Variants in NPIPB11 observed in about 807,000 individuals in gnomAD.
NPIPB11 encodes the protein nuclear pore complex-interacting protein family member B11.
Under a neutral mutation model 32.8 loss-of-function variants are expected in NPIPB11, and 17 were observed. That is an observed-to-expected ratio of 0.52 (90% CI 0.35 to 0.78). The LOEUF is 0.78. Ranked by LOEUF, NPIPB11 falls within the 30% of genes least tolerant of loss-of-function variation. The probability of loss-of-function intolerance (pLI) is 0.01; values close to 1 mark genes in which losing one functional copy is unlikely to be tolerated. For synonymous variants in NPIPB11, 209 were observed against 398.4 expected, an observed-to-expected ratio of 0.52 and a Z score of 5.66; for missense variants, 537 against 1,000.4, an observed-to-expected ratio of 0.54 and a Z score of 6.25.
intron 3 of NPIPB11, 139 bp from the exon 4 acceptor site, chr16:29,390,487 T>A: frequency 7.5e-7 from 1 of 1,326,330 alleles, no homozygotes; most frequent in Non-Finnish European, 1.1e-6. Context: ...ACCCCATCTC[T>A]ACTAAAAATA....
rs550168630 is a variant in NPIPB11, at chr16:29,397,695, C to G, written c.121-3619G>C. The G allele has an allele frequency of 5.3e-4, 334 of 634,770 alleles. 1 individual carries two copies. The African/African-American group carries it at 5.4e-3, about 10-fold the overall frequency. 39.3% of individuals were successfully genotyped at this position (634,770 alleles called of 1,614,324 possible). A position where few individuals can be genotyped will look rare whatever the true frequency, so the allele number is the denominator to read the frequency against. On this transcript the variant is annotated intron_variant, in intron 2 of 7. Transcript: ENST00000524087. Reference sequence around the variant, plus strand: ...GCGTCCAGGACAGAGGTGGAGGTGGCTTAGGGCAGGGGGGAGGGAAGGGGA... The same window carrying G: ...GCGTCCAGGACAGAGGTGGAGGTGGGTTAGGGCAGGGGGGAGGGAAGGGGA...
At chr16:29,401,554 C>T (rs1201238242) in intron 2 of NPIPB11, among the ~76,000 whole-genome samples, 1 of 152,112 alleles carries the variant, frequency 6.6e-6, no homozygotes, top group Non-Finnish European at 1.5e-5. Flanking sequence ...CCCCACTCTC[C>T]TCCTCTGCCC....
rs371140312 is a variant in NPIPB11, at chr16:29,402,015, T to C, written c.120+1668A>G. On this transcript the variant is annotated intron_variant, in intron 2 of 7. Transcript: ENST00000524087. Reference sequence around the variant, plus strand: ...TGCAGACTAGCCTGCCGTCAGAACATGAACTGGTGGTCAGACACACGTAGG... The same window carrying C: ...TGCAGACTAGCCTGCCGTCAGAACACGAACTGGTGGTCAGACACACGTAGG... Among the ~76,000 whole-genome samples, 331 of 151,074 alleles carry C rather than the reference T, an allele frequency of 2.2e-3. 3 individuals are homozygous for C. Among genetic ancestry groups the C allele is most frequent in the Non-Finnish European group, 3.8e-3 (255 of 67,950 alleles).
chr16:29,383,048 G>A (rs772365789), exon 8 of NPIPB11: 1 of 1,609,104 alleles, frequency 6.2e-7, no homozygotes, highest in South Asian at 1.1e-5. Flanking sequence ...GGAACCCGCA[G>A]ATGCTCAGCA....
chr16:29,392,151 C>T (rs979959757), intron 3 of NPIPB11, among the ~76,000 whole-genome samples: 7 of 151,850 alleles, frequency 4.6e-5, no homozygotes, highest in East Asian at 3.9e-4. Flanking sequence ...AGAGCAACCA[C>T]GTCAATCCCA....
rs538310400 is a variant in NPIPB11, at chr16:29,393,793, G to T, written c.249+155C>A. On this transcript the variant is annotated intron_variant, in intron 3 of 7. Coordinates refer to ENST00000524087, the Ensembl canonical transcript of NPIPB11. ...TTTAATTTTCATAACGCAAATGGCA[G>T]ATATTTTCATAATTCTTATGCTAAT... 2.0e-3 allele frequency among the ~76,000 whole-genome samples: 308 copies of T among 152,272 alleles called. 1 individual carries two copies. Among genetic ancestry groups the T allele is most frequent in the African/African-American group, 7.3e-3 (302 of 41,524 alleles).
chr16:29,394,870 TGA>T (rs1305967432), intron 2 of NPIPB11, among the ~76,000 whole-genome samples: 5 of 150,206 alleles, frequency 3.3e-5, no homozygotes, highest in African/African-American at 1.2e-4. Flanking sequence ...CTCAGCCTCC[TGA>T]GTAGCTGGGA....
chr16:29,390,856 G>C lies in NPIPB11; in HGVS notation c.250-508C>G, dbSNP rs150027760. Among the ~76,000 whole-genome samples the C allele has an allele frequency of 3.8e-3, 570 of 151,466 alleles. 3 individuals carry two copies. Among genetic ancestry groups the C allele is most frequent in the African/African-American group, 0.013 (544 of 41,190 alleles). On this transcript the variant is annotated intron_variant, in intron 3 of 7. Transcript: ENST00000524087. ...TGCATGCCTGTAATCCCAGCTAGTC[G>C]GGAGGTTGAGGCAGGATAATCACTT... is the stretch of plus-strand genomic sequence containing the variant.
intron 3 of NPIPB11, among the ~76,000 whole-genome samples, chr16:29,393,226 G>A (rs945331638): frequency 6.6e-6 from 1 of 151,248 alleles, no homozygotes; most frequent in African/African-American, 2.5e-5. Context: ...CTCTTGGAGG[G>A]CAGTTCTAAG....
chr16:29,396,875 G>T (rs1414356533), intron 2 of NPIPB11, among the ~76,000 whole-genome samples: 3 of 151,368 alleles, frequency 2.0e-5, no homozygotes, highest in African/African-American at 7.3e-5. Flanking sequence ...ATTTTGGCCA[G>T]GCGCGGTGGC....
chr16:29,382,098 C>T, exon 8 of NPIPB11: 21 of 444,002 alleles, frequency 4.7e-5, no homozygotes, highest in South Asian at 2.2e-4. Context: ...AGTGAGCTGA[C>T]GTTTGGAAGG....
chr16:29,394,200 C>T (rs1226736726), intron 2 of NPIPB11, 124 bp from the exon 3 acceptor site: 14 of 1,045,832 alleles, frequency 1.3e-5, no homozygotes, highest in South Asian at 8.0e-5. Flanking sequence ...CAGATATCAC[C>T]GTGGGATTCC....
At chr16:29,403,079 A>AT (rs552934163) in intron 2 of NPIPB11, among the ~76,000 whole-genome samples, 7,856 of 134,240 alleles carry the variant, frequency 0.059, 329 homozygotes, top group Non-Finnish European at 0.085. Flanking sequence ...TTGCAGGATA[A>AT]TTTTTTTTTT....
chr16:29,390,961 C>CAAAAAA (rs1173802573), intron 3 of NPIPB11, among the ~76,000 whole-genome samples: 1 of 84,548 alleles, frequency 1.2e-5, no homozygotes, highest in African/African-American at 4.7e-5. Flanking sequence ...GAAACTGTCT[C>CAAAAAA]AAAAAAAAAA....
exon 8 of NPIPB11, chr16:29,383,237 G>A (rs1162277584): frequency 5.1e-6 from 8 of 1,563,522 alleles, no homozygotes; most frequent in African/African-American, 4.2e-5. Context: ...GAAGGGGAGT[G>A]AGCTGACGCT....
intron 5 of NPIPB11, 80 bp downstream of exon 5, chr16:29,389,861 T>G: frequency 6.4e-7 from 1 of 1,569,928 alleles, no homozygotes; most frequent in Non-Finnish European, 8.6e-7. Context: ...TTGTAGAAAA[T>G]ATTCTCAAGG....
rs1262374948 is a variant in NPIPB11 at position 29,402,720 on chromosome 16, C to CTG, written c.120+962_120+963insCA. 6.5e-4 allele frequency among the ~76,000 whole-genome samples: 76 copies of CTG among 117,102 alleles called. 1 individual carries two copies. The highest frequency in any genetic ancestry group is 1.6e-3 in the Admixed American group (18 of 11,438). 76.8% of individuals were successfully genotyped at this position (117,102 alleles called of 152,430 possible). A position where few individuals can be genotyped will look rare whatever the true frequency, so the allele number is the denominator to read the frequency against. On this transcript the variant is annotated intron_variant, in intron 2 of 7. Transcript: ENST00000524087. ...TCTGTCTCTCTCTCTCTCTCTCTCT[C>CTG]TCTCTGTGTGTGTGTGTGTGTGTGT...
chr16:29,391,962 C>A (rs1963732838), intron 3 of NPIPB11, among the ~76,000 whole-genome samples: 1 of 152,022 alleles, frequency 6.6e-6, no homozygotes, highest in Non-Finnish European at 1.5e-5. Flanking sequence ...CTCAAGTCAT[C>A]CACCTGCCTC....
At chr16:29,397,539 G>A (rs1266570059) in intron 2 of NPIPB11, 4 of 1,517,808 alleles carry the variant, frequency 2.6e-6, no homozygotes, top group Non-Finnish European at 2.7e-6. Context: ...TAAAAAGGAA[G>A]AAACCCCGAG....
Sources: gnomAD v4.1 joint callset for allele counts (sites outside exome capture counted in the v4.1 genomes callset) on GRCh38, gnomAD v4.1.1 for gene constraint, MANE v1.5 for transcripts, NCBI Gene and HGNC (gene_info 2026-07-23, HGNC 2026-07-21) for gene names.